Variants in NR2C1 observed in about 807,000 individuals in gnomAD.
NR2C1 encodes the protein nuclear receptor subfamily 2 group C member 1.
Under a neutral mutation model 74.8 loss-of-function variants are expected in NR2C1, and 33 were observed. That is an observed-to-expected ratio of 0.44 (90% CI 0.33 to 0.59). The LOEUF is 0.59. NR2C1 is among the 20% of genes least tolerant of loss of function. NR2C1 has a pLI of 0.02. For missense variants in NR2C1, 568 were observed against 715.6 expected, an observed-to-expected ratio of 0.79 and a Z score of 2.35; for synonymous variants, 225 against 240.6, an observed-to-expected ratio of 0.94 and a Z score of 0.60.
rs527641126 is a variant in NR2C1 at position 95,058,410 on chromosome 12, T to A, written c.444A>T (p.Ser148=). ...KRSIRKNLVY[S]CRGSKDCIIN... ...TAATACAATCCTTTGATCCTCGACA[T>A]GAATATACTAAATTTTTTCGGATGC... Residue 148 remains serine, a synonymous_variant, in exon 5 of 14, where the codon TCA becomes TCT. Coordinates refer to ENST00000333003, the MANE Select transcript of NR2C1 (RefSeq NM_003297.4). The A allele has an allele frequency of 6.2e-7, 1 of 1,613,754 alleles. No individual in the cohort carries two copies. The highest frequency in any genetic ancestry group is 2.2e-5 in the East Asian group (1 of 44,850).
rs1258534936 is a variant in NR2C1, at chr12:95,059,931, G to A, written c.339C>T (p.Cys113=). 7.8e-6 allele frequency: 12 copies of A among 1,532,778 alleles called. No individual in the cohort carries two copies. Among genetic ancestry groups the A allele is most frequent in the East Asian group, 2.5e-5 (1 of 40,554 alleles). 94.9% of individuals were successfully genotyped at this position (1,532,778 alleles called of 1,614,324 possible). The change falls in exon 4 of 14, where the codon TGC becomes TGT. Residue 113 remains cysteine (C), a synonymous_variant. Transcript: ENST00000333003. ...CTGATGCTTTGTCTCCACATACTACGCAAAGATCAAAAACCTTATTTGGTC... is the reference window on the plus strand; with the variant it reads ...CTGATGCTTTGTCTCCACATACTACACAAAGATCAAAAACCTTATTTGGTC... ...DQGPNKVFDL[C]VVCGDKASGR...
chr12:95,057,008 G>A (rs1874008568), intron 7 of NR2C1, among the ~76,000 whole-genome samples: 1 of 150,736 alleles, frequency 6.6e-6, no homozygotes, highest in Non-Finnish European at 1.5e-5. Context: ...GTCTTACTGA[G>A]GACTCGTATT....
chr12:95,070,121 T>TTTTTTTG (rs144366572), intron 1 of NR2C1, among the ~76,000 whole-genome samples: 8 of 151,816 alleles, frequency 5.3e-5, no homozygotes, highest in Admixed American at 3.9e-4. Context: ...ATTTACAAGT[T>TTTTTTTG]TTTTTTGTTT....
intron 10 of NR2C1, among the ~76,000 whole-genome samples, chr12:95,034,006 G>A (rs1870492422): frequency 6.6e-6 from 1 of 152,130 alleles, no homozygotes; most frequent in Non-Finnish European, 1.5e-5. Context: ...TAGGAAATAT[G>A]TCCAACTTAA....
intron 9 of NR2C1, among the ~76,000 whole-genome samples, chr12:95,047,084 C>G (rs145145171): frequency 6.6e-6 from 1 of 152,316 alleles, no homozygotes; most frequent in African/African-American, 2.4e-5. Context: ...AACAGGTAAA[C>G]TACCCCTACT....
intron 9 of NR2C1, among the ~76,000 whole-genome samples, chr12:95,048,437 GCTAA>G (rs1427405099): frequency 2.0e-5 from 3 of 152,104 alleles, no homozygotes; most frequent in Non-Finnish European, 4.4e-5. Flanking sequence ...AGTTATAAAA[GCTAA>G]CTTTTAAACG....
intron 3 of NR2C1, among the ~76,000 whole-genome samples, chr12:95,061,098 TG>T (rs1465272381): frequency 1.1e-4 from 17 of 152,214 alleles, no homozygotes; most frequent in African/African-American, 4.1e-4. Context: ...AGTCCAATAG[TG>T]GCACATCCTA....
chr12:95,050,617 G>A (rs1346709208), intron 8 of NR2C1, among the ~76,000 whole-genome samples: 5 of 151,360 alleles, frequency 3.3e-5, no homozygotes, highest in Non-Finnish European at 5.9e-5. Context: ...CCAATTCAGC[G>A]TATTTTTATC....
intron 7 of NR2C1, among the ~76,000 whole-genome samples, chr12:95,052,475 G>C (rs61938161): frequency 0.12 from 17,837 of 151,848 alleles, 1,647 homozygotes; most frequent in African/African-American, 0.26. Flanking sequence ...TTTTTTTTAA[G>C]AGACAAGGTC....
chr12:95,052,990 C>CT (rs530102672), intron 7 of NR2C1, among the ~76,000 whole-genome samples: 92 of 147,136 alleles, frequency 6.3e-4, no homozygotes, highest in South Asian at 1.3e-3. Flanking sequence ...ATCTATTTGT[C>CT]TTTTTTTTTT....
intron 7 of NR2C1, among the ~76,000 whole-genome samples, chr12:95,053,816 T>C (rs1873417639): frequency 6.6e-6 from 1 of 151,710 alleles, no homozygotes; most frequent in Non-Finnish European, 1.5e-5. Flanking sequence ...CCTGAGGAGC[T>C]GGGACTACAG....
chr12:95,048,942 G>T (rs751986841), intron 9 of NR2C1, 126 bp downstream of exon 9: 1 of 893,984 alleles, frequency 1.1e-6, no homozygotes, highest in Non-Finnish European at 1.7e-6. Flanking sequence ...TGTTTTAGCT[G>T]CTGTTCTGAA....
intron 3 of NR2C1, among the ~76,000 whole-genome samples, chr12:95,060,214 T>G (rs886376300): frequency 6.6e-6 from 1 of 152,160 alleles, no homozygotes; most frequent in Non-Finnish European, 1.5e-5. Context: ...CTAAACCTTT[T>G]AAATAGAAAA....
intron 5 of NR2C1, 59 bp downstream of exon 5, chr12:95,058,251 A>C: frequency 6.9e-7 from 1 of 1,439,826 alleles, no homozygotes; most frequent in Non-Finnish European, 9.4e-7. Context: ...TAATTTCAAT[A>C]CTCTTGTAGT....
intron 9 of NR2C1, among the ~76,000 whole-genome samples, chr12:95,048,078 TA>T (rs1872529078): frequency 1.3e-5 from 2 of 152,324 alleles, no homozygotes; most frequent in East Asian, 3.9e-4. Context: ...TGTATCTTTT[TA>T]AATTTTATTA....
chr12:95,037,675 C>CACG (rs1291693301), intron 10 of NR2C1, among the ~76,000 whole-genome samples: 1 of 152,102 alleles, frequency 6.6e-6, no homozygotes, highest in Non-Finnish European at 1.5e-5. Flanking sequence ...GCAGGCGGAT[C>CACG]ACGAGGTGAG....
chr12:95,036,799 C>G (rs921316669), intron 10 of NR2C1, among the ~76,000 whole-genome samples: 1 of 152,156 alleles, frequency 6.6e-6, no homozygotes, highest in Non-Finnish European at 1.5e-5. Flanking sequence ...GCATGAGCCA[C>G]CAGGCCTGGC....
Position 95,022,309 on chromosome 12 carries a change from G to A in NR2C1, c.1732C>T (p.Arg578Ter). Reference sequence around the variant, plus strand: ...ATATGTGGGATAACACTGTCAATTCGTATATTGCCAATGAGACCTTTGAAA... The same window carrying A: ...ATATGTGGGATAACACTGTCAATTCATATATTGCCAATGAGACCTTTGAAA... ...LFFKGLIGNIRIDSVIPHILK... is the reference protein window; with the variant it reads ...LFFKGLIGNI The change falls in exon 14 of 14, where the codon CGA (arginine) becomes TGA (stop). Residue 578 changes from arginine to a stop codon, truncating the protein, a stop_gained. Coordinates refer to ENST00000333003, the MANE Select transcript of NR2C1 (RefSeq NM_003297.4). LOFTEE classifies it high-confidence loss of function. 1 of 1,612,332 alleles carries A rather than the reference G, an allele frequency of 6.2e-7. No homozygotes were observed. Among genetic ancestry groups the A allele is most frequent in the Non-Finnish European group, 8.5e-7 (1 of 1,178,708 alleles).
chr12:95,061,097 G>C (rs951399861), intron 3 of NR2C1, among the ~76,000 whole-genome samples: 2 of 152,150 alleles, frequency 1.3e-5, no homozygotes, highest in Admixed American at 6.6e-5. Context: ...AAGTCCAATA[G>C]TGGCACATCC....
Sources: allele counts gnomAD v4.1 joint callset (sites outside exome capture counted in the v4.1 genomes callset), GRCh38; gene constraint gnomAD v4.1.1; transcripts MANE v1.5; gene names NCBI Gene and HGNC (gene_info 2026-07-23, HGNC 2026-07-21).